GALNTL6: variants seen among roughly 807,000 people sequenced by gnomAD.
The protein encoded by GALNTL6 is polypeptide N-acetylgalactosaminyltransferase-like 6.
A neutral mutation model predicts 73.7 loss-of-function variants in GALNTL6; 46 were observed. The ratio of observed to expected loss-of-function variants is 0.62; its 90% CI spans 0.49 to 0.80. The LOEUF (loss-of-function observed/expected upper bound fraction) is 0.80, where lower values mean the gene tolerates loss of function less well. GALNTL6 is among the 30% of genes least tolerant of loss of function. GALNTL6 has a pLI of 0.00. For missense variants in GALNTL6, 604 were observed against 755.0 expected, an observed-to-expected ratio of 0.80 and a Z score of 2.34; for synonymous variants, 259 against 263.7, an observed-to-expected ratio of 0.98 and a Z score of 0.17.
At chr4:172,722,762 T>C (rs547749822) in intron 5 of GALNTL6, among the ~76,000 whole-genome samples, 1 of 152,286 alleles carries the variant, frequency 6.6e-6, no homozygotes, top group East Asian at 1.9e-4. Context: ...ATAAATATAT[T>C]CTTTTGAATT....
At chr4:172,087,893 A>G (rs1161585416) in intron 2 of GALNTL6, among the ~76,000 whole-genome samples, 1 of 152,184 alleles carries the variant, frequency 6.6e-6, no homozygotes, top group Non-Finnish European at 1.5e-5. Flanking sequence ...TTATTAGTTA[A>G]TTAGCCATAG....
At chr4:171,946,301 T>C (rs115004890) in intron 2 of GALNTL6, among the ~76,000 whole-genome samples, 1,690 of 152,260 alleles carry the variant, frequency 0.011, 37 homozygotes, top group African/African-American at 0.039. Context: ...AATAAAAAGT[T>C]AAGTCAGTAG....
chr4:172,861,906 C>T (rs1744413554), intron 7 of GALNTL6, among the ~76,000 whole-genome samples: 1 of 152,172 alleles, frequency 6.6e-6, no homozygotes, highest in African/African-American at 2.4e-5. Flanking sequence ...ATTACCCAGT[C>T]TCAGGTATGT....
intron 2 of GALNTL6, among the ~76,000 whole-genome samples, chr4:172,192,654 C>G (rs1735622524): frequency 6.6e-6 from 1 of 152,202 alleles, no homozygotes; most frequent in Non-Finnish European, 1.5e-5. Flanking sequence ...ATACTGTTTT[C>G]ATGGATCTGT....
chr4:171,869,292 G>A (rs934808407), intron 2 of GALNTL6, among the ~76,000 whole-genome samples: 3 of 152,084 alleles, frequency 2.0e-5, no homozygotes, highest in African/African-American at 7.2e-5. Context: ...AATAAAACAG[G>A]CTTCTTAAAA....
At chr4:172,568,848 C>T (rs1358567430) in intron 5 of GALNTL6, among the ~76,000 whole-genome samples, 1 of 150,614 alleles carries the variant, frequency 6.6e-6, no homozygotes, top group African/African-American at 2.4e-5. Context: ...CAGTCCAGAA[C>T]GGCTTTGCAT....
chr4:172,365,608 G>T (rs1043617132), intron 5 of GALNTL6, among the ~76,000 whole-genome samples: 6 of 151,776 alleles, frequency 4.0e-5, no homozygotes, highest in African/African-American at 1.5e-4. Context: ...TAGCACTCAT[G>T]ACTACAAGGG....
At chr4:172,295,529 AGGT>A (rs1739638871) in intron 3 of GALNTL6, among the ~76,000 whole-genome samples, 4 of 77,212 alleles carry the variant, frequency 5.2e-5, no homozygotes, top group Admixed American at 1.8e-4. Context: ...TTCTTTTTTT[AGGT>A]TTTTTTTTTT....
At chr4:172,703,818 A>C (rs1243533336) in intron 5 of GALNTL6, among the ~76,000 whole-genome samples, 2 of 151,960 alleles carry the variant, frequency 1.3e-5, no homozygotes, top group African/African-American at 4.8e-5. Flanking sequence ...GAAGCCATTC[A>C]GTCCTGAACT....
At chr4:172,125,591 A>G (rs530031477) in intron 2 of GALNTL6, among the ~76,000 whole-genome samples, 2 of 152,298 alleles carry the variant, frequency 1.3e-5, no homozygotes, top group African/African-American at 4.8e-5. Flanking sequence ...TCATAAATTC[A>G]TCTTTCACAA....
intron 2 of GALNTL6, among the ~76,000 whole-genome samples, chr4:172,224,602 G>A (rs1479042945): frequency 2.0e-5 from 3 of 152,128 alleles, no homozygotes; most frequent in Non-Finnish European, 4.4e-5. Context: ...TGATTCACCA[G>A]GGATTTCCAG....
intron 3 of GALNTL6, among the ~76,000 whole-genome samples, chr4:172,302,446 G>A (rs2654788): frequency 0.81 from 122,482 of 152,032 alleles, 49,928 homozygotes; most frequent in Non-Finnish European, 0.87. Flanking sequence ...GAAATCATTC[G>A]TCTTCTGCTT....
intron 2 of GALNTL6, among the ~76,000 whole-genome samples, chr4:172,028,259 T>C (rs1741652607): frequency 6.6e-6 from 1 of 151,758 alleles, no homozygotes; most frequent in South Asian, 2.1e-4. Context: ...TCATGATGAA[T>C]TGCAATTTAT....
intron 5 of GALNTL6, among the ~76,000 whole-genome samples, chr4:172,489,492 C>G (rs1159865445): frequency 3.3e-5 from 5 of 152,180 alleles, no homozygotes; most frequent in Admixed American, 3.3e-4. Flanking sequence ...GATAGAGGTA[C>G]ATATGCCTGA....
At chr4:172,442,238 C>CT (rs1731861823) in intron 5 of GALNTL6, among the ~76,000 whole-genome samples, 2 of 152,112 alleles carry the variant, frequency 1.3e-5, no homozygotes, top group South Asian at 2.1e-4. Flanking sequence ...ATGTCCCACT[C>CT]TGAGTTTTCT....
chr4:172,449,888 C>G (rs1732149774), intron 5 of GALNTL6, among the ~76,000 whole-genome samples: 2 of 152,182 alleles, frequency 1.3e-5, no homozygotes, highest in South Asian at 4.1e-4. Context: ...GTAGGCAACT[C>G]CAACCTAGCA....
chr4:171,991,720 G>A (rs1467164859), intron 2 of GALNTL6, among the ~76,000 whole-genome samples: 2 of 23,248 alleles, frequency 8.6e-5, no homozygotes, highest in African/African-American at 2.5e-4. Flanking sequence ...ATATGTGTGT[G>A]TGTGTGTGTG....
intron 5 of GALNTL6, among the ~76,000 whole-genome samples, chr4:172,726,698 A>G (rs1033540324): frequency 1.3e-5 from 2 of 152,234 alleles, no homozygotes; most frequent in Admixed American, 6.5e-5. Context: ...GAAGCTTATC[A>G]TGATCCATCC....
intron 2 of GALNTL6, among the ~76,000 whole-genome samples, chr4:172,206,775 G>GTTTTTTTTTTTTTTTTTTTT (rs1214874685): frequency 1.3e-5 from 1 of 79,718 alleles, no homozygotes; most frequent in Admixed American, 1.5e-4. Context: ...GATGAAACGT[G>GTTTTTTTTTTTTTTTTTTTT]TTTTTTGTTT....
Sources: gnomAD v4.1 joint callset for allele counts (sites outside exome capture counted in the v4.1 genomes callset) on GRCh38, gnomAD v4.1.1 for gene constraint, MANE v1.5 for transcripts, NCBI Gene and HGNC (gene_info 2026-07-23, HGNC 2026-07-21) for gene names.